The following MTUS2 variants were observed in gnomAD, a reference collection of about 807,000 sequenced individuals.
MTUS2 encodes microtubule associated scaffold protein 2.
Under a neutral mutation model 114.1 loss-of-function variants are expected in MTUS2, and 40 were observed. The ratio of observed to expected loss-of-function variants is 0.35; its 90% confidence interval spans 0.27 to 0.46. The LOEUF (loss-of-function observed/expected upper bound fraction) is 0.46, where lower values mean the gene tolerates loss of function less well. Among genes scored for constraint, MTUS2 ranks in the 20% least tolerant of loss-of-function variants. The probability of loss-of-function intolerance (pLI) is 1.00; values close to 1 mark genes in which losing one functional copy is unlikely to be tolerated. For synonymous variants in MTUS2, 688 were observed against 672.0 expected, an observed-to-expected ratio of 1.02 and a Z score of -0.37; for missense variants, 1,679 against 1,705.4, an observed-to-expected ratio of 0.98 and a Z score of 0.27.
intron 8 of MTUS2, among the ~76,000 whole-genome samples, chr13:29,365,995 C>T (rs941645207): frequency 6.6e-6 from 1 of 152,314 alleles, no homozygotes; most frequent in African/African-American, 2.4e-5. Context: ...CTTTCCTAGA[C>T]CTCAGTTTTT....
chr13:29,043,243 T>C (rs1035079954), intron 4 of MTUS2, among the ~76,000 whole-genome samples: 4 of 152,216 alleles, frequency 2.6e-5, no homozygotes, highest in Non-Finnish European at 4.4e-5. Context: ...TGCCTGCTTT[T>C]GAGGGTTCCT....
chr13:29,253,013 A>G (rs1399689984), intron 5 of MTUS2, among the ~76,000 whole-genome samples: 1 of 152,010 alleles, frequency 6.6e-6, no homozygotes, highest in African/African-American at 2.4e-5. Flanking sequence ...GTAACCTAGA[A>G]AGAGAATTGG....
intron 2 of MTUS2, among the ~76,000 whole-genome samples, chr13:28,902,693 T>C (rs976721865): frequency 1.3e-5 from 2 of 152,198 alleles, no homozygotes; most frequent in Admixed American, 1.3e-4. Flanking sequence ...GTAATTCTTT[T>C]TATACACTGT....
At chr13:29,245,933 G>A (rs1474800451) in intron 5 of MTUS2, among the ~76,000 whole-genome samples, 9 of 152,218 alleles carry the variant, frequency 5.9e-5, no homozygotes, top group East Asian at 3.9e-4. Flanking sequence ...TCCTGAGCTC[G>A]TGATCTGCCC....
chr13:29,335,518 C>T (rs1901013638), intron 7 of MTUS2, among the ~76,000 whole-genome samples: 1 of 152,186 alleles, frequency 6.6e-6, no homozygotes, highest in African/African-American at 2.4e-5. Context: ...TATTCGTACA[C>T]TCCTTCCCCT....
chr13:29,314,968 C>T (rs866106017), intron 6 of MTUS2, among the ~76,000 whole-genome samples: 11 of 152,164 alleles, frequency 7.2e-5, no homozygotes, highest in African/African-American at 2.7e-4. Context: ...GGTACATATA[C>T]ACAATGGAAT....
chr13:29,007,617 T>C (rs1885656334), intron 2 of MTUS2, among the ~76,000 whole-genome samples: 2 of 151,996 alleles, frequency 1.3e-5, no homozygotes, highest in Admixed American at 1.3e-4. Context: ...GACCAACCCC[T>C]CCTCTTTCTC....
intron 6 of MTUS2, chr13:29,307,917 G>A: frequency 1.9e-6 from 1 of 527,528 alleles, no homozygotes; most frequent in Admixed American, 3.0e-5. Flanking sequence ...TCCTGAAGAG[G>A]GAGGGGCCTA....
Position 28,843,828 on chromosome 13 carries a change from G to A in MTUS2, c.-243+3978G>A, listed in dbSNP as rs192375531. 7.9e-5 allele frequency among the ~76,000 whole-genome samples: 12 copies of A among 152,312 alleles called. No homozygotes were observed. In the East Asian group the frequency reaches 9.7e-4, roughly 12 times the overall value. On this transcript the variant is annotated intron_variant, in intron 2 of 15. Transcript: ENST00000612955. ...GGATGGGTCATGCTGGCACTGTGTC[G>A]TCTTTGGAAATTAACTGGGTAAGCA...
At chr13:29,132,265 C>G (rs1433899048) in intron 5 of MTUS2, among the ~76,000 whole-genome samples, 1 of 152,206 alleles carries the variant, frequency 6.6e-6, no homozygotes, top group Non-Finnish European at 1.5e-5. Flanking sequence ...CAACATTATG[C>G]AGATTCCTGT....
chr13:29,389,718 T>C (rs1427036964), intron 8 of MTUS2, among the ~76,000 whole-genome samples: 3 of 109,260 alleles, frequency 2.7e-5, no homozygotes, highest in African/African-American at 6.5e-5. Context: ...TATGTATATA[T>C]ACATACATAT....
chr13:28,833,520 T>G (rs892442024), intron 1 of MTUS2, among the ~76,000 whole-genome samples: 2 of 151,998 alleles, frequency 1.3e-5, no homozygotes, highest in African/African-American at 2.4e-5. Context: ...CAAACAGCAC[T>G]TCATGATAAA....
intron 2 of MTUS2, among the ~76,000 whole-genome samples, chr13:28,915,023 A>G (rs2935188): frequency 0.13 from 19,323 of 151,776 alleles, 1,476 homozygotes; most frequent in African/African-American, 0.2. Flanking sequence ...ACAGGATACC[A>G]ATGGGGCTCG....
rs1185472611 is a variant in MTUS2 at position 29,491,742 on chromosome 13, GGT to G, written c.3506-894_3506-893del. 2.3e-3 allele frequency among the ~76,000 whole-genome samples: 328 copies of G among 145,220 alleles called. 2 individuals carry two copies. The highest frequency in any genetic ancestry group is 7.5e-3 in the African/African-American group (295 of 39,244). ...TGGTAGGTGTGTGTGGGGCGTGTGG[GGT>G]GTGTGTGTGCGTGTGGTATGTGTGT... On this transcript the variant is annotated intron_variant, in intron 11 of 15. Coordinates refer to ENST00000612955, the MANE Select transcript of MTUS2 (RefSeq NM_001033602.4).
At chr13:28,848,218 G>A (rs575752061) in intron 2 of MTUS2, among the ~76,000 whole-genome samples, 1 of 152,168 alleles carries the variant, frequency 6.6e-6, no homozygotes, top group African/African-American at 2.4e-5. Flanking sequence ...ATCTTTCCAA[G>A]AATTTACTAT....
intron 8 of MTUS2, among the ~76,000 whole-genome samples, chr13:29,424,022 G>A (rs1876317068): frequency 9.7e-6 from 1 of 102,966 alleles, no homozygotes; most frequent in South Asian, 3.1e-4. Context: ...CTGCCACCAT[G>A]CCTGGCTAAT....
At chr13:29,050,838 A>G (rs1458909038) in intron 4 of MTUS2, among the ~76,000 whole-genome samples, 1 of 152,216 alleles carries the variant, frequency 6.6e-6, no homozygotes, top group Non-Finnish European at 1.5e-5. Flanking sequence ...CAGGCAGAAG[A>G]AACAACACAC....
At chr13:28,974,404 T>C (rs1883994176) in intron 2 of MTUS2, among the ~76,000 whole-genome samples, 1 of 152,218 alleles carries the variant, frequency 6.6e-6, no homozygotes, top group South Asian at 2.1e-4. Context: ...GAGCCACTGA[T>C]TTGAAATTTC....
chr13:29,473,312 G>A (rs181402524), intron 9 of MTUS2, among the ~76,000 whole-genome samples: 146 of 152,268 alleles, frequency 9.6e-4, no homozygotes, highest in African/African-American at 3.3e-3. Flanking sequence ...GTCTAGTTCC[G>A]TAACCACCTA....
Sources: gnomAD v4.1 joint callset for allele counts (sites outside exome capture counted in the v4.1 genomes callset) on GRCh38, gnomAD v4.1.1 for gene constraint, MANE v1.5 for transcripts, NCBI Gene and HGNC (gene_info 2026-07-23, HGNC 2026-07-21) for gene names.